The following ITPR1 variants were observed in gnomAD, a reference collection of about 807,000 sequenced individuals.
ITPR1 encodes inositol 1,4,5-trisphosphate receptor type 1.
Under a neutral mutation model 318.4 loss-of-function variants are expected in ITPR1, and 96 were observed. That is an observed-to-expected ratio of 0.30 (90% CI 0.26 to 0.36). The LOEUF (loss-of-function observed/expected upper bound fraction) is 0.36. ITPR1 is among the 10% of genes least tolerant of loss of function. The probability of loss-of-function intolerance (pLI) is 1.00; values close to 1 mark genes in which losing one functional copy is unlikely to be tolerated. For synonymous variants in ITPR1, 1,312 were observed against 1,289.9 expected (o/e 1.02, Z -0.37); for missense variants, 2,440 against 3,460.2 (o/e 0.71, Z 7.40).
chr3:4,752,017 C>T (rs2044569195), intron 44 of ITPR1, among the ~76,000 whole-genome samples: 3 of 152,224 alleles, frequency 2.0e-5, no homozygotes, highest in African/African-American at 7.2e-5. Flanking sequence ...CTCAAAGTTT[C>T]TACCAATTTC....
rs10514656 is a variant in ITPR1, at chr3:4,662,952, T to C, written c.1413-113T>C. 5,840 of 810,724 alleles carry C rather than the reference T, an allele frequency of 7.2e-3. 234 individuals are homozygous for C. In the African/African-American group the frequency reaches 0.085, roughly 12 times the overall value. 50.2% of individuals were successfully genotyped at this position (810,724 alleles called of 1,614,324 possible). A position where few individuals can be genotyped will look rare whatever the true frequency, so the allele number is the denominator to read the frequency against. On this transcript the variant is annotated intron_variant, in intron 15 of 61. Coordinates refer to ENST00000649015, the MANE Select transcript of ITPR1 (RefSeq NM_001378452.1). ...TGTCAGTTTCAAAGAAATTGGAAAG[T>C]GTGGGTCTGCCCCTGTTTAACTGGC...
At chr3:4,583,587 T>A (rs1304611105) in intron 4 of ITPR1, among the ~76,000 whole-genome samples, 1 of 152,238 alleles carries the variant, frequency 6.6e-6, no homozygotes, top group African/African-American at 2.4e-5. Context: ...ATCATCCAGC[T>A]GGCTAGTTTT....
chr3:4,621,827 T>A (rs1272118194), intron 4 of ITPR1, among the ~76,000 whole-genome samples: 1 of 152,214 alleles, frequency 6.6e-6, no homozygotes, highest in Non-Finnish European at 1.5e-5. Context: ...TGGCCCGAGT[T>A]TTATGAAGGC....
At chr3:4,792,514 T>C (rs1171082011) in intron 52 of ITPR1, among the ~76,000 whole-genome samples, 2 of 152,174 alleles carry the variant, frequency 1.3e-5, no homozygotes, top group East Asian at 3.9e-4. Flanking sequence ...GTAGCCAGGA[T>C]GTCAGCCAGG....
At chr3:4,569,104 G>T (rs1452250200) in intron 4 of ITPR1, among the ~76,000 whole-genome samples, 1 of 152,184 alleles carries the variant, frequency 6.6e-6, no homozygotes, top group East Asian at 1.9e-4. Context: ...TGAGATTTGG[G>T]TGGAGACAAA....
At chr3:4,829,345 C>T (rs1400448187) in intron 60 of ITPR1, among the ~76,000 whole-genome samples, 3 of 152,158 alleles carry the variant, frequency 2.0e-5, no homozygotes, top group Admixed American at 6.5e-5. Flanking sequence ...TATTAATATG[C>T]ATGTGGTCTG....
At chr3:4,791,014 T>C (rs1222797732) in intron 52 of ITPR1, among the ~76,000 whole-genome samples, 2 of 152,246 alleles carry the variant, frequency 1.3e-5, no homozygotes, top group African/African-American at 2.4e-5. Flanking sequence ...TTGAATGTGC[T>C]GACACTTTCT....
chr3:4,607,349 G>A (rs2091773865), intron 4 of ITPR1, among the ~76,000 whole-genome samples: 1 of 152,160 alleles, frequency 6.6e-6, no homozygotes, highest in Admixed American at 6.5e-5. Context: ...CTCAGAGTGT[G>A]GTTGCAGGGC....
At chr3:4,712,048 T>A (rs1242909422) in intron 39 of ITPR1, among the ~76,000 whole-genome samples, 180 bp downstream of exon 39, 1 of 152,258 alleles carries the variant, frequency 6.6e-6, no homozygotes, top group African/African-American at 2.4e-5. Flanking sequence ...ATCATATGAC[T>A]GTCTTTTTTA....
chr3:4,532,059 C>T (rs1419289415), intron 4 of ITPR1, among the ~76,000 whole-genome samples: 1 of 152,186 alleles, frequency 6.6e-6, no homozygotes, highest in Non-Finnish European at 1.5e-5. Flanking sequence ...ACTACCTGGT[C>T]CATATTAAAT....
chr3:4,544,683 A>C (rs2084794565), intron 4 of ITPR1, among the ~76,000 whole-genome samples: 1 of 152,232 alleles, frequency 6.6e-6, no homozygotes, highest in Non-Finnish European at 1.5e-5. Context: ...CTAACTTCGT[A>C]AAGGGAAATG....
intron 60 of ITPR1, among the ~76,000 whole-genome samples, chr3:4,824,359 AC>A (rs2049931024): frequency 1.3e-5 from 2 of 152,208 alleles, no homozygotes. Context: ...ATAGATGGGA[AC>A]CTAAAGCTCA....
At chr3:4,690,260 G>A (rs2094459307) in intron 31 of ITPR1, among the ~76,000 whole-genome samples, 1 of 152,172 alleles carries the variant, frequency 6.6e-6, no homozygotes, top group African/African-American at 2.4e-5. Flanking sequence ...GGGTGACAAA[G>A]CAAGACTGTA....
intron 38 of ITPR1, chr3:4,711,500 A>C: frequency 2.5e-6 from 1 of 395,546 alleles, no homozygotes; most frequent in Non-Finnish European, 4.6e-6. Context: ...TCTCCTCTCC[A>C]TATAATCTCT....
intron 60 of ITPR1, chr3:4,825,982 T>A: frequency 2.8e-6 from 1 of 358,472 alleles, no homozygotes; most frequent in Non-Finnish European, 5.5e-6. Flanking sequence ...GGCGTCTCAC[T>A]TTAAGGAACT....
At chr3:4,716,038 A>AT (rs1559758613) in intron 39 of ITPR1, among the ~76,000 whole-genome samples, 1 of 152,222 alleles carries the variant, frequency 6.6e-6, no homozygotes. Flanking sequence ...AAATATTAAA[A>AT]TTATCACCAA....
intron 33 of ITPR1, among the ~76,000 whole-genome samples, chr3:4,696,443 C>T (rs899362070): frequency 3.3e-5 from 5 of 152,162 alleles, no homozygotes; most frequent in East Asian, 1.9e-4. Context: ...ATCAGCACTT[C>T]GTTCCTTTAT....
intron 60 of ITPR1, among the ~76,000 whole-genome samples, chr3:4,819,662 G>A (rs2049552624): frequency 6.6e-6 from 1 of 152,212 alleles, no homozygotes; most frequent in African/African-American, 2.4e-5. Context: ...GTATTTGGTT[G>A]TTAAAGTTAC....
chr3:4,562,242 A>C (rs1312984376), intron 4 of ITPR1, among the ~76,000 whole-genome samples: 4 of 152,194 alleles, frequency 2.6e-5, no homozygotes, highest in African/African-American at 9.6e-5. Flanking sequence ...AGCTCATCAA[A>C]ATATCTTGCT....
Sources: gnomAD v4.1 joint callset for allele counts (sites outside exome capture counted in the v4.1 genomes callset) on GRCh38, gnomAD v4.1.1 for gene constraint, MANE v1.5 for transcripts, NCBI Gene and HGNC (gene_info 2026-07-23, HGNC 2026-07-21) for gene names.